Variants in AUNIP observed in about 807,000 individuals in gnomAD.
The protein encoded by AUNIP is aurora kinase A- and ninein-interacting protein.
In AUNIP, 16 loss-of-function variants were observed where a neutral mutation model predicts 12.2. That is an observed-to-expected ratio of 1.31 (90% CI 0.88 to 1.99). The LOEUF (loss-of-function observed/expected upper bound fraction) is 1.99. AUNIP is among the 30% of genes most tolerant of loss of function. The probability of loss-of-function intolerance (pLI) is 0.00; values close to 1 mark genes in which losing one functional copy is unlikely to be tolerated. For missense variants in AUNIP, 411 were observed against 419.1 expected (o/e 0.98, Z 0.17); for synonymous variants, 142 against 154.8 (o/e 0.92, Z 0.61).
At chr1:25,852,708 G>A (rs1046587100) in intron 1 of AUNIP, among the ~76,000 whole-genome samples, 3 of 152,198 alleles carry the variant, frequency 2.0e-5, no homozygotes, top group African/African-American at 7.2e-5. Flanking sequence ...CCAAACTGTT[G>A]GGATTACAGG....
intron 2 of AUNIP, 81 bp from the exon 3 acceptor site, chr1:25,835,927 G>A: frequency 6.5e-7 from 1 of 1,547,668 alleles, no homozygotes; most frequent in Non-Finnish European, 8.7e-7. Flanking sequence ...TCTGAAATCA[G>A]TATCAGCTAC....
At chr1:25,844,465 T>G (rs534982800) in intron 1 of AUNIP, among the ~76,000 whole-genome samples, 1 of 152,308 alleles carries the variant, frequency 6.6e-6, no homozygotes, top group Non-Finnish European at 1.5e-5. Flanking sequence ...TATACATAAC[T>G]CCTCTCACTA....
intron 1 of AUNIP, among the ~76,000 whole-genome samples, chr1:25,838,936 T>C (rs1317796341): frequency 6.6e-6 from 1 of 152,192 alleles, no homozygotes; most frequent in East Asian, 1.9e-4. Context: ...TAACTCAAAG[T>C]TGACTTCATT....
At chr1:25,853,820 T>C (rs2048439763) in intron 1 of AUNIP, among the ~76,000 whole-genome samples, 1 of 152,178 alleles carries the variant, frequency 6.6e-6, no homozygotes, top group African/African-American at 2.4e-5. Flanking sequence ...ACATGGAAGC[T>C]AGCTTTTCCC....
chr1:25,848,822 T>A (rs942784994), intron 1 of AUNIP, among the ~76,000 whole-genome samples: 1 of 152,220 alleles, frequency 6.6e-6, no homozygotes, highest in South Asian at 2.1e-4. Flanking sequence ...GTGTGTACTG[T>A]TACATATCAC....
Position 25,835,648 on chromosome 1 carries a change from G to A in AUNIP, c.419C>T (p.Ser140Phe). Reference protein sequence around the residue: ...AGLSPQSLQTSGHHRMKTPFS... With the variant: ...AGLSPQSLQTFGHHRMKTPFS... The stretch of plus-strand genomic sequence containing the variant: ...TGGGGTTTTCATTCTGTGGTGGCCA[G>A]AAGTCTGGAGGGACTGAGGAGAGAG... The change falls in exon 3 of 3, where the codon TCT (serine) becomes TTT (phenylalanine). Residue 140 changes from serine (S) to phenylalanine (F), a missense_variant. Physicochemically the swap from Ser to Phe is radical, Grantham distance 155. Transcript: ENST00000374298. The A allele has an allele frequency of 6.2e-7, 1 of 1,614,256 alleles. No homozygotes were observed. The highest frequency in any genetic ancestry group is 8.5e-7 in the Non-Finnish European group (1 of 1,180,042).
chr1:25,833,357 C>T (rs1488693621), downstream of AUNIP, among the ~76,000 whole-genome samples: 1 of 152,062 alleles, frequency 6.6e-6, no homozygotes, highest in Non-Finnish European at 1.5e-5. Context: ...CTCAAGCAAA[C>T]CTCCCACCTC....
intron 1 of AUNIP, among the ~76,000 whole-genome samples, chr1:25,846,725 G>C (rs2048386104): frequency 6.6e-6 from 1 of 152,052 alleles, no homozygotes; most frequent in Non-Finnish European, 1.5e-5. Flanking sequence ...CTCAAAAAAG[G>C]GTACTCCCTG....
In AUNIP at chr1:25,835,822, T is replaced by G. The variant is rs34449716; in HGVS notation, c.245A>C (p.Lys82Thr). 85,547 of 1,613,732 alleles carry G rather than the reference T, an allele frequency of 0.053. 2,655 individuals are homozygous for G. Among genetic ancestry groups the G allele is most frequent in the Non-Finnish European group, 0.061 (71,753 of 1,179,614 alleles). The change falls in exon 3 of 3, where the codon AAG becomes ACG. Residue 82 changes from lysine (K) to threonine (T), a missense_variant. Physicochemically the swap from Lys to Thr is moderately conservative, Grantham distance 78. Coordinates refer to ENST00000374298, the MANE Select transcript of AUNIP (RefSeq NM_024037.3). ...QPGKTNGSDQKSVSSHTESQI... is the reference protein window; with the variant it reads ...QPGKTNGSDQTSVSSHTESQI... ...ACTTTCTGTATGAGATGAAACACTCTTCTGGTCACTGCCATTTGTCTTTCC... is the reference window on the plus strand; with the variant it reads ...ACTTTCTGTATGAGATGAAACACTCGTCTGGTCACTGCCATTTGTCTTTCC...
rs1165895052 is a variant in AUNIP, at chr1:25,847,255, TG to T, written c.79-9702del. Among the ~76,000 whole-genome samples the T allele has an allele frequency of 1.3e-5, 2 of 151,992 alleles. No individual in the cohort carries two copies. Among genetic ancestry groups the T allele is most frequent in the Admixed American group, 6.6e-5 (1 of 15,254 alleles). On this transcript the variant is annotated intron_variant, in intron 1 of 2. Coordinates refer to ENST00000374298, the MANE Select transcript of AUNIP (RefSeq NM_024037.3). The surrounding 1 kb of genome is among the most constrained non-coding windows in gnomAD (Gnocchi z 4.2). ...AAAATTACAGCTTAAAAAACAGTTG[TG>T]TTTTTTTTGTTTTGTTTTTTTTTGA...
intron 1 of AUNIP, among the ~76,000 whole-genome samples, chr1:25,858,591 G>A (rs2048481607): frequency 2.0e-5 from 3 of 152,214 alleles, no homozygotes; most frequent in African/African-American, 4.8e-5. Flanking sequence ...TGACTGAAGA[G>A]CATCTTGCCT....
At chr1:25,832,903 A>G (rs946245971), downstream of AUNIP, 29 of 152,414 alleles carry the variant, frequency 1.9e-4, no homozygotes, top group African/African-American at 7.0e-4. Flanking sequence ...GGGTTGAAGC[A>G]CTACCTGACA....
chr1:25,857,905 C>G (rs1187648702), intron 1 of AUNIP, among the ~76,000 whole-genome samples: 1 of 151,908 alleles, frequency 6.6e-6, no homozygotes, highest in Non-Finnish European at 1.5e-5. Flanking sequence ...CAGTGGCTCA[C>G]GCCTGTAATC....
chr1:25,841,674 C>T (rs1159457207), intron 1 of AUNIP, among the ~76,000 whole-genome samples: 1 of 152,074 alleles, frequency 6.6e-6, no homozygotes, highest in Non-Finnish European at 1.5e-5. Flanking sequence ...CAGGTGCTGG[C>T]CACCACGCCC....
intron 1 of AUNIP, 102 bp from the exon 2 acceptor site, chr1:25,837,656 C>A: frequency 8.5e-7 from 1 of 1,181,582 alleles, no homozygotes; most frequent in Admixed American, 2.2e-5. Flanking sequence ...CACACTAGAT[C>A]CTCTGTACTC....
At chr1:25,843,415 A>T (rs1404740423) in intron 1 of AUNIP, among the ~76,000 whole-genome samples, 1 of 151,146 alleles carries the variant, frequency 6.6e-6, no homozygotes, top group East Asian at 1.9e-4. Context: ...GGGCAAAGTA[A>T]ATTGAAAATC....
At chr1:25,850,359 C>A (rs1002108952) in intron 1 of AUNIP, among the ~76,000 whole-genome samples, 3 of 152,132 alleles carry the variant, frequency 2.0e-5, no homozygotes, top group Non-Finnish European at 4.4e-5. Flanking sequence ...ATTTTGAAAT[C>A]AGTACATGTG....
downstream of AUNIP, among the ~76,000 whole-genome samples, chr1:25,833,109 G>C (rs530746797): frequency 6.6e-6 from 1 of 152,058 alleles, no homozygotes; most frequent in South Asian, 2.1e-4. Flanking sequence ...TAGAGATTTT[G>C]CCCTATACTC....
intron 1 of AUNIP, among the ~76,000 whole-genome samples, chr1:25,849,796 G>T (rs888661995): frequency 2.6e-5 from 4 of 152,060 alleles, no homozygotes; most frequent in African/African-American, 9.7e-5. Context: ...ACCATGCCTG[G>T]CTAAGTTTTG....
Sources: gnomAD v4.1 joint callset for allele counts (sites outside exome capture counted in the v4.1 genomes callset) on GRCh38, gnomAD v4.1.1 for gene constraint, Gnocchi (gnomAD v3.1) non-coding constraint, MANE v1.5 for transcripts, NCBI Gene and HGNC (gene_info 2026-07-23, HGNC 2026-07-21) for gene names.